Variants in CNTNAP4 observed in about 807,000 individuals in gnomAD.
The protein encoded by CNTNAP4 is contactin associated protein family member 4, also known as contactin-associated protein-like 4.
Under a neutral mutation model 148.4 loss-of-function variants are expected in CNTNAP4, and 98 were observed. The observed-to-expected ratio is 0.66, with a 90% CI of 0.56 to 0.78. The LOEUF is 0.78. Among genes scored for constraint, CNTNAP4 ranks in the 30% least tolerant of loss-of-function variants. The pLI, the probability that CNTNAP4 is intolerant of heterozygous loss-of-function variation, is 0.00. For missense variants in CNTNAP4, 1,935 were observed against 1,565.6 expected, an observed-to-expected ratio of 1.24 and a Z score of -3.98; for synonymous variants, 730 against 565.1, an observed-to-expected ratio of 1.29 and a Z score of -4.14.
At chr16:76,322,628 T>C (rs1567700004) in intron 2 of CNTNAP4, among the ~76,000 whole-genome samples, 2 of 152,118 alleles carry the variant, frequency 1.3e-5, no homozygotes, top group Non-Finnish European at 2.9e-5. Context: ...CTTCTGAAAA[T>C]GATTGTGGCA....
chr16:76,321,987 G>T (rs1329358337), intron 2 of CNTNAP4, among the ~76,000 whole-genome samples: 1 of 151,890 alleles, frequency 6.6e-6, no homozygotes, highest in East Asian at 1.9e-4. Context: ...GAGGTCCCAT[G>T]ACCAGGCTGG....
intron 3 of CNTNAP4, among the ~76,000 whole-genome samples, chr16:76,392,973 G>A (rs2078078978): frequency 6.6e-6 from 1 of 152,166 alleles, no homozygotes; most frequent in Non-Finnish European, 1.5e-5. Flanking sequence ...TGAGAGGTAG[G>A]TTCTTAGCAT....
Position 76,416,377 on chromosome 16 carries a change from T to C in CNTNAP4, c.391-11075T>C, listed in dbSNP as rs150204889. 1.5e-3 allele frequency among the ~76,000 whole-genome samples: 228 copies of C among 151,520 alleles called. 5 individuals are homozygous for C. In the East Asian group the frequency reaches 0.035, roughly 23 times the overall value. ...CATTATTTATTTAGATCTTTGTTTG[T>C]TTTCTAATATATGCATTTAATGCTA... is the stretch of plus-strand genomic sequence containing the variant. On this transcript the variant is annotated intron_variant, in intron 3 of 23. Transcript: ENST00000611870.
chr16:76,516,891 C>T (rs548111923), intron 15 of CNTNAP4, among the ~76,000 whole-genome samples: 4 of 152,250 alleles, frequency 2.6e-5, no homozygotes, highest in African/African-American at 9.6e-5. Context: ...TGGTGAAACC[C>T]TGTCTCTACT....
intron 1 of CNTNAP4, among the ~76,000 whole-genome samples, chr16:76,282,166 G>A (rs1315888153): frequency 1.3e-5 from 2 of 151,842 alleles, no homozygotes; most frequent in Non-Finnish European, 2.9e-5. Context: ...TGAACGCAAT[G>A]CTATTATTGC....
chr16:76,554,893 T>C (rs973631246), intron 23 of CNTNAP4, among the ~76,000 whole-genome samples: 1 of 152,118 alleles, frequency 6.6e-6, no homozygotes, highest in African/African-American at 2.4e-5. Context: ...GATGGCTTCT[T>C]AAAGTTGGTT....
chr16:76,419,714 G>T (rs1223895502), intron 3 of CNTNAP4, among the ~76,000 whole-genome samples: 2 of 151,906 alleles, frequency 1.3e-5, no homozygotes, highest in East Asian at 1.9e-4. Context: ...CCATAGACTG[G>T]GTGACTTAAA....
At chr16:76,455,095 A>G (rs1463466057) in intron 8 of CNTNAP4, among the ~76,000 whole-genome samples, 1 of 152,218 alleles carries the variant, frequency 6.6e-6, no homozygotes, top group Non-Finnish European at 1.5e-5. Flanking sequence ...TATTCAACAC[A>G]TTATATTAGT....
At chr16:76,442,639 T>C (rs2080088497) in intron 4 of CNTNAP4, among the ~76,000 whole-genome samples, 2 of 152,026 alleles carry the variant, frequency 1.3e-5, no homozygotes, top group Non-Finnish European at 2.9e-5. Flanking sequence ...GGTGTCTTGC[T>C]TTATAGCAAC....
intron 10 of CNTNAP4, among the ~76,000 whole-genome samples, chr16:76,470,469 C>T (rs565213811): frequency 2.6e-4 from 25 of 94,828 alleles, no homozygotes; most frequent in African/African-American, 1.3e-3. Flanking sequence ...AGCAAAACCA[C>T]GTCTCTACTA....
At chr16:76,313,006 A>G (rs1961304963) in intron 1 of CNTNAP4, among the ~76,000 whole-genome samples, 1 of 152,120 alleles carries the variant, frequency 6.6e-6, no homozygotes, top group Non-Finnish European at 1.5e-5. Flanking sequence ...AAAGAATAAT[A>G]ATGCCATGTA....
At chr16:76,467,766 G>T (rs1568294731) in intron 10 of CNTNAP4, among the ~76,000 whole-genome samples, 3 of 152,156 alleles carry the variant, frequency 2.0e-5, no homozygotes, top group South Asian at 2.1e-4. Flanking sequence ...CATGCTACCA[G>T]TTCGCCAAAG....
intron 3 of CNTNAP4, among the ~76,000 whole-genome samples, chr16:76,365,477 G>A (rs1057501873): frequency 4.6e-5 from 7 of 152,084 alleles, no homozygotes; most frequent in Non-Finnish European, 1.0e-4. Flanking sequence ...CTGGCCAGGC[G>A]TTGTGGCTCA....
intron 3 of CNTNAP4, among the ~76,000 whole-genome samples, chr16:76,395,457 G>C (rs2078168362): frequency 6.6e-6 from 1 of 151,826 alleles, no homozygotes; most frequent in African/African-American, 2.4e-5. Context: ...AGTAGAGATG[G>C]GGTTTCACCA....
intron 2 of CNTNAP4, among the ~76,000 whole-genome samples, chr16:76,324,377 C>T (rs934554483): frequency 1.1e-4 from 17 of 152,232 alleles, no homozygotes; most frequent in African/African-American, 3.9e-4. Context: ...AATGAATAAA[C>T]CATGAGTTAA....
intron 3 of CNTNAP4, among the ~76,000 whole-genome samples, chr16:76,406,212 A>G (rs187616075): frequency 6.6e-6 from 1 of 152,302 alleles, no homozygotes; most frequent in African/African-American, 2.4e-5. Flanking sequence ...TTATTATTAT[A>G]TGTTACGGTG....
intron 14 of CNTNAP4, among the ~76,000 whole-genome samples, chr16:76,495,852 A>G (rs1389958497): frequency 1.3e-5 from 2 of 152,092 alleles, no homozygotes; most frequent in African/African-American, 4.8e-5. Context: ...TGATTTTGTT[A>G]CACAATGCAT....
intron 3 of CNTNAP4, among the ~76,000 whole-genome samples, chr16:76,406,101 G>C (rs377502274): frequency 3.9e-5 from 6 of 152,118 alleles, no homozygotes; most frequent in Non-Finnish European, 7.3e-5. Context: ...GCTTACGCCT[G>C]TAGTCCTAGT....
chr16:76,277,985 G>T (rs1047729506), intron 1 of CNTNAP4, among the ~76,000 whole-genome samples: 1 of 152,102 alleles, frequency 6.6e-6, no homozygotes, highest in African/African-American at 2.4e-5. Context: ...CTTACCCTCT[G>T]GTCTTTGAGT....
Sources: allele counts gnomAD v4.1 joint callset (sites outside exome capture counted in the v4.1 genomes callset), GRCh38; gene constraint gnomAD v4.1.1; transcripts MANE v1.5; gene names NCBI Gene and HGNC (gene_info 2026-07-23, HGNC 2026-07-21).